TRPC5: variants seen among roughly 807,000 people sequenced by gnomAD.
TRPC5 encodes short transient receptor potential channel 5.
A neutral mutation model predicts 56.5 loss-of-function variants in TRPC5; 9 were observed. The ratio of observed to expected loss-of-function variants is 0.16; its 90% CI spans 0.10 to 0.28. TRPC5 has a LOEUF of 0.28. TRPC5 is among the 10% of genes least tolerant of loss of function. TRPC5 has a pLI of 1.00. For synonymous variants in TRPC5, 282 were observed against 278.5 expected (o/e 1.01, Z -0.13); for missense variants, 469 against 748.9 (o/e 0.63, Z 4.36).
intron 1 of TRPC5, among the ~76,000 whole-genome samples, chrX:112,017,012 A>T (rs985617061): frequency 9.0e-5 from 10 of 111,325 alleles, no homozygotes; most frequent in Non-Finnish European, 1.9e-4. Context: ...TTTTTAAAAA[A>T]TTTTATTTAT....
chrX:111,782,551 A>G (rs1286011708), intron 7 of TRPC5, among the ~76,000 whole-genome samples: 1 of 111,449 alleles, frequency 9.0e-6, no homozygotes, highest in East Asian at 2.8e-4. Context: ...ATAGAGCACA[A>G]CATATATTAT....
At position 112,082,070 on chromosome X, in the gene TRPC5, G is replaced by A. The variant is rs766517993; in HGVS notation, c.-213C>T. On this transcript the variant is annotated 5_prime_UTR_variant, in exon 1 of 11. Coordinates refer to ENST00000262839, the MANE Select transcript of TRPC5 (RefSeq NM_012471.3). ...AGGGAAAGGGGCGGGGTGTAAAGAC[G>A]AGCGCAAGTACTGGCTCCTACCTTG... is the stretch of plus-strand genomic sequence containing the variant. 9.0e-6 allele frequency: 1 copy of A among 111,491 alleles called. No individual in the cohort carries two copies. The highest frequency in any genetic ancestry group is 3.3e-5 in the African/African-American group (1 of 30,615). The allele number at this position is 111,491 out of a possible 1,213,427, so 9.2% of individuals were successfully genotyped here. A position where few individuals can be genotyped will look rare whatever the true frequency, so the allele number is the denominator to read the frequency against.
rs560709867 is a variant in TRPC5, at chrX:111,964,025, C to T, written c.-21-11584G>A. 9.5e-4 allele frequency among the ~76,000 whole-genome samples: 106 copies of T among 111,493 alleles called. 4 individuals are homozygous for T. The South Asian group carries it at 0.03, about 31-fold the overall frequency. ...AAGGCTTCAGACGATCAAACTACTC[C>T]GAGCTACAGGAGGAAATTCAAACCA... On this transcript the variant is annotated intron_variant, in intron 1 of 10. Coordinates refer to ENST00000262839, the MANE Select transcript of TRPC5 (RefSeq NM_012471.3).
At chrX:111,797,355 A>T (rs568135485) in intron 7 of TRPC5, among the ~76,000 whole-genome samples, 5 of 112,283 alleles carry the variant, frequency 4.5e-5, no homozygotes, top group African/African-American at 1.6e-4. Flanking sequence ...AATGACTAAG[A>T]ACTACTGAAT....
chrX:112,017,687 C>CT (rs1239595214), intron 1 of TRPC5, among the ~76,000 whole-genome samples: 2 of 111,499 alleles, frequency 1.8e-5, no homozygotes, highest in Non-Finnish European at 3.8e-5. Flanking sequence ...CATCCACACA[C>CT]CAGCAGCGTC....
At chrX:111,839,949 T>A (rs1193647250) in intron 6 of TRPC5, among the ~76,000 whole-genome samples, 3 of 111,389 alleles carry the variant, frequency 2.7e-5, no homozygotes, top group Non-Finnish European at 5.7e-5. Flanking sequence ...GTTGGGTGGA[T>A]CACGAGGTCA....
chrX:111,977,082 C>A (rs1927949481), intron 1 of TRPC5, among the ~76,000 whole-genome samples: 1 of 110,493 alleles, frequency 9.1e-6, no homozygotes, highest in African/African-American at 3.3e-5. Flanking sequence ...AAGTGATCTA[C>A]AGATTCAATG....
intron 7 of TRPC5, among the ~76,000 whole-genome samples, chrX:111,804,617 G>A (rs1359511842): frequency 9.0e-6 from 1 of 111,334 alleles, no homozygotes; most frequent in Non-Finnish European, 1.9e-5. Flanking sequence ...TGTAGCAATT[G>A]TGAATGGGAG....
chrX:111,876,736 A>G (rs1923965895), intron 3 of TRPC5, among the ~76,000 whole-genome samples: 1 of 111,694 alleles, frequency 9.0e-6, no homozygotes, highest in Non-Finnish European at 1.9e-5. Context: ...TACTTTCCTT[A>G]ACTGTGGTTA....
At chrX:112,057,799 A>T (rs927624655) in intron 1 of TRPC5, among the ~76,000 whole-genome samples, 2 of 112,116 alleles carry the variant, frequency 1.8e-5, no homozygotes, top group Non-Finnish European at 3.8e-5. Flanking sequence ...GGATAAATGA[A>T]TCCTTAAAGG....
At chrX:112,072,210 A>C (rs1333739843) in intron 1 of TRPC5, among the ~76,000 whole-genome samples, 1 of 111,965 alleles carries the variant, frequency 8.9e-6, no homozygotes, top group African/African-American at 3.2e-5. Context: ...GACCTTGGGC[A>C]TGAGACCTCT....
Position 112,041,185 on chromosome X carries a change from G to T in TRPC5, c.-22+40694C>A, listed in dbSNP as rs193288344. Among the ~76,000 whole-genome samples the T allele has an allele frequency of 1.2e-4, 13 of 112,173 alleles. No homozygotes were observed. In the South Asian group the frequency reaches 1.5e-3, roughly 13 times the overall value. ...TGCAGGTGCTGGCAGTAGGAATTTG[G>T]GGGTGGCAGGCACTGAAGTGGTAAG... is the stretch of plus-strand genomic sequence containing the variant. On this transcript the variant is annotated intron_variant, in intron 1 of 10. Transcript: ENST00000262839.
At chrX:111,989,467 G>A (rs1928296059) in intron 1 of TRPC5, among the ~76,000 whole-genome samples, 1 of 111,713 alleles carries the variant, frequency 9.0e-6, no homozygotes, top group South Asian at 3.8e-4. Context: ...TAGGAAGTAA[G>A]AATGTTCAGA....
At chrX:111,893,928 C>T (rs753498459) in intron 3 of TRPC5, among the ~76,000 whole-genome samples, 5 of 111,792 alleles carry the variant, frequency 4.5e-5, no homozygotes, top group African/African-American at 9.7e-5. Context: ...AAATTGTGAA[C>T]ATTTGCCCTT....
intron 1 of TRPC5, among the ~76,000 whole-genome samples, chrX:112,064,998 C>T (rs1930546787): frequency 9.4e-6 from 1 of 106,304 alleles, no homozygotes. Flanking sequence ...GGCGTGAACC[C>T]GGGAGGCAGA....
chrX:112,050,991 T>C (rs1189858490), intron 1 of TRPC5, among the ~76,000 whole-genome samples: 1 of 112,236 alleles, frequency 8.9e-6, no homozygotes, highest in African/African-American at 3.2e-5. Flanking sequence ...ACCCCCAACG[T>C]GTATACCCGA....
intron 1 of TRPC5, among the ~76,000 whole-genome samples, chrX:112,036,519 C>T (rs1015239592): frequency 7.1e-5 from 8 of 112,103 alleles, no homozygotes; most frequent in African/African-American, 1.6e-4. Flanking sequence ...TCAAGACCAC[C>T]GCCAAACTAG....
intron 1 of TRPC5, among the ~76,000 whole-genome samples, chrX:112,016,570 A>G (rs1174644667): frequency 2.7e-5 from 3 of 111,167 alleles, no homozygotes; most frequent in Admixed American, 9.6e-5. Context: ...CTGGTCCCAC[A>G]TCCTAGTACT....
At chrX:111,980,926 C>T (rs113147306) in intron 1 of TRPC5, among the ~76,000 whole-genome samples, 1,445 of 71,711 alleles carry the variant, frequency 0.02, 32 homozygotes, top group African/African-American at 0.096. Flanking sequence ...TATATATATA[C>T]ACACACACAC....
Sources: gnomAD v4.1 joint callset for allele counts (sites outside exome capture counted in the v4.1 genomes callset) on GRCh38, gnomAD v4.1.1 for gene constraint, MANE v1.5 for transcripts, NCBI Gene and HGNC (gene_info 2026-07-23, HGNC 2026-07-21) for gene names.